DLGAP2: variants seen among roughly 807,000 people sequenced by gnomAD.
The protein encoded by DLGAP2 is disks large-associated protein 2.
DLGAP2 carries 26 observed loss-of-function variants against 100.3 expected under a neutral mutation model. That is an observed-to-expected ratio of 0.26 (90% CI 0.19 to 0.36). The LOEUF (loss-of-function observed/expected upper bound fraction) is 0.36, where lower values mean the gene tolerates loss of function less well. Ranked by LOEUF, DLGAP2 falls within the 10% of genes least tolerant of loss-of-function variation. The pLI, the probability that DLGAP2 is intolerant of heterozygous loss-of-function variation, is 1.00. For missense variants in DLGAP2, 1,858 were observed against 1,453.2 expected (o/e 1.28, Z -4.53); for synonymous variants, 886 against 630.1 (o/e 1.41, Z -6.08).
chr8:1,305,572 C>T (rs183969489), intron 3 of DLGAP2, among the ~76,000 whole-genome samples: 23 of 152,300 alleles, frequency 1.5e-4, no homozygotes, highest in African/African-American at 5.5e-4. Context: ...AATTGAAACT[C>T]AGACCAGAGA....
At chr8:869,229 C>T (rs149192874) in intron 1 of DLGAP2, among the ~76,000 whole-genome samples, 75 of 152,328 alleles carry the variant, frequency 4.9e-4, no homozygotes, top group African/African-American at 1.8e-3. Flanking sequence ...AACGGTTCCT[C>T]GGTGGCTGGA....
intron 2 of DLGAP2, among the ~76,000 whole-genome samples, chr8:1,033,611 T>G (rs1802034584): frequency 6.6e-6 from 1 of 152,138 alleles, no homozygotes; most frequent in African/African-American, 2.4e-5. Context: ...GAGGTTGCAG[T>G]GAGCTGAGGT....
rs536180268 is a variant in DLGAP2 at position 1,542,462 on chromosome 8, C to A, written c.173-6164C>A. Among the ~76,000 whole-genome samples, 4 of 152,360 alleles carry A rather than the reference C, an allele frequency of 2.6e-5. No homozygotes were observed. The East Asian group carries it at 5.8e-4, about 22-fold the overall frequency. On this transcript the variant is annotated intron_variant, in intron 4 of 14. Coordinates refer to ENST00000637795, the MANE Select transcript of DLGAP2 (RefSeq NM_001346810.2). The stretch of plus-strand genomic sequence containing the variant: ...TTTTCCATTTTGAGATCTGCCTGTT[C>A]TGCACACTTCATATGAATGAAATTG...
chr8:1,638,660 G>A (rs780998661), intron 8 of DLGAP2, among the ~76,000 whole-genome samples: 11 of 152,138 alleles, frequency 7.2e-5, no homozygotes, highest in African/African-American at 2.2e-4. Flanking sequence ...AGGGGCTCCC[G>A]GCTGAGCTCT....
intron 2 of DLGAP2, among the ~76,000 whole-genome samples, chr8:1,057,813 G>A (rs1200190540): frequency 6.6e-6 from 1 of 152,052 alleles, no homozygotes; most frequent in Non-Finnish European, 1.5e-5. Flanking sequence ...GTTCAATGTA[G>A]CAAAACAAAG....
chr8:809,519 A>T (rs1332896298), intron 1 of DLGAP2, among the ~76,000 whole-genome samples: 1 of 148,884 alleles, frequency 6.7e-6, no homozygotes. Context: ...TCAGCTTCCC[A>T]TTTACACAGC....
intron 6 of DLGAP2, among the ~76,000 whole-genome samples, chr8:1,600,590 C>T (rs975861894): frequency 5.9e-5 from 9 of 152,036 alleles, no homozygotes; most frequent in African/African-American, 2.2e-4. Flanking sequence ...CTTTTTTCTC[C>T]AATCTTGTCT....
At chr8:1,097,675 TCTGTGGC>T (rs1804428594) in intron 2 of DLGAP2, among the ~76,000 whole-genome samples, 1 of 127,444 alleles carries the variant, frequency 7.8e-6, no homozygotes. Context: ...GCCTTCACCC[TCTGTGGC>T]ATGGAGAGGT....
chr8:757,479 G>A (rs748740484), intron 1 of DLGAP2, among the ~76,000 whole-genome samples: 5 of 152,130 alleles, frequency 3.3e-5, no homozygotes, highest in African/African-American at 9.7e-5. Context: ...AATGACACCC[G>A]TAGGCACTGG....
intron 2 of DLGAP2, among the ~76,000 whole-genome samples, chr8:918,358 T>G (rs923520111): frequency 1.3e-5 from 2 of 152,248 alleles, no homozygotes; most frequent in Non-Finnish European, 2.9e-5. Context: ...AAGCCATTCG[T>G]AGAATTAGGG....
chr8:871,343 C>G (rs1001996804), intron 1 of DLGAP2, among the ~76,000 whole-genome samples: 1 of 152,210 alleles, frequency 6.6e-6, no homozygotes, highest in African/African-American at 2.4e-5. Context: ...TGCTACATTT[C>G]CATTTGCACT....
chr8:1,263,674 A>G (rs1799395363), intron 3 of DLGAP2, among the ~76,000 whole-genome samples: 1 of 151,872 alleles, frequency 6.6e-6, no homozygotes, highest in Admixed American at 6.6e-5. Context: ...ACATTTTAAG[A>G]CCTCTTAACA....
intron 4 of DLGAP2, among the ~76,000 whole-genome samples, chr8:1,539,649 C>G (rs576120182): frequency 2.2e-4 from 34 of 151,438 alleles, no homozygotes; most frequent in African/African-American, 7.7e-4. Flanking sequence ...TCACCAGGAG[C>G]TGTGAAGGGG....
intron 8 of DLGAP2, among the ~76,000 whole-genome samples, chr8:1,639,364 G>T (rs916107985): frequency 4.6e-5 from 7 of 152,190 alleles, no homozygotes; most frequent in African/African-American, 1.4e-4. Context: ...TGGGAACAGA[G>T]GCTGTCCCTG....
chr8:864,266 G>A (rs569302405), intron 1 of DLGAP2, among the ~76,000 whole-genome samples: 3 of 152,264 alleles, frequency 2.0e-5, no homozygotes, highest in East Asian at 3.9e-4. Context: ...CTTGTGTGCT[G>A]CTGTGCAGAA....
At chr8:1,306,220 G>T (rs999188155) in intron 3 of DLGAP2, among the ~76,000 whole-genome samples, 5 of 151,802 alleles carry the variant, frequency 3.3e-5, no homozygotes. Context: ...CTACACAAGG[G>T]TATAAAAAAG....
chr8:1,412,815 G>C (rs1169651107), intron 3 of DLGAP2, among the ~76,000 whole-genome samples: 1 of 152,206 alleles, frequency 6.6e-6, no homozygotes, highest in East Asian at 1.9e-4. Flanking sequence ...GCCCTCCCCA[G>C]CAGATGGCCT....
At chr8:1,696,297 T>G (rs1409286177) in intron 13 of DLGAP2, among the ~76,000 whole-genome samples, 1 of 152,074 alleles carries the variant, frequency 6.6e-6, no homozygotes, top group African/African-American at 2.4e-5. Flanking sequence ...GCCCAGGAGT[T>G]TGAGGCCACC....
chr8:1,216,455 C>T (rs536626698), intron 2 of DLGAP2, among the ~76,000 whole-genome samples: 2 of 151,308 alleles, frequency 1.3e-5, no homozygotes, highest in South Asian at 2.1e-4. Flanking sequence ...CTCAGGAGAT[C>T]CTCCCTCTTC....
Sources: gnomAD v4.1 joint callset for allele counts (sites outside exome capture counted in the v4.1 genomes callset) on GRCh38, gnomAD v4.1.1 for gene constraint, MANE v1.5 for transcripts, NCBI Gene and HGNC (gene_info 2026-07-23, HGNC 2026-07-21) for gene names.